ACOD1: variants seen among roughly 807,000 people sequenced by gnomAD.
ACOD1 encodes the protein aconitate decarboxylase 1, also known as cis-aconitate decarboxylase.
A neutral mutation model predicts 14.2 loss-of-function variants in ACOD1; 14 were observed. The ratio of observed to expected loss-of-function variants is 0.99; its 90% CI spans 0.65 to 1.54. ACOD1 has a LOEUF of 1.54. Among genes scored for constraint, ACOD1 ranks in the 40% most tolerant of loss-of-function variants. The pLI, the probability that ACOD1 is intolerant of heterozygous loss-of-function variation, is 0.00. For synonymous variants in ACOD1, 182 were observed against 221.7 expected, an observed-to-expected ratio of 0.82 and a Z score of 1.59; for missense variants, 530 against 586.3, an observed-to-expected ratio of 0.90 and a Z score of 0.99.
Position 76,957,949 on chromosome 13 carries a change from T to A in ACOD1, c.1410T>A (p.Ser470=). The change falls in exon 5 of 5, where the codon TCT becomes TCA. Residue 470 remains serine, a synonymous_variant. Coordinates refer to ENST00000377462, the MANE Select transcript of ACOD1 (RefSeq NM_001258406.2). ...GPSPPEVASN[S]PACNNSITNL... is the part of the protein sequence containing the mutation. ...CTCCACCAGAGGTAGCTTCAAACTC[T>A]CCAGCATGTAATAATTCTATCACAA... 6.5e-7 allele frequency: 1 copy of A among 1,541,906 alleles called. No homozygotes were observed. Among genetic ancestry groups the A allele is most frequent in the Non-Finnish European group, 8.7e-7 (1 of 1,144,464 alleles).
At position 76,952,379 on chromosome 13, in the gene ACOD1, T is replaced by C. The variant is rs924171461; in HGVS notation, c.13-110T>C. On this transcript the variant is annotated intron_variant, in intron 1 of 4. Transcript: ENST00000377462. ...AACTAAATCTGAGCAACTGGGTTTC[T>C]TGTAGTGGAGCAAAACTCTTTATGC... The C allele has an allele frequency of 1.4e-5, 12 of 885,670 alleles. No individual in the cohort carries two copies. The South Asian group carries it at 2.3e-4, about 17-fold the overall frequency. 54.9% of individuals were successfully genotyped at this position (885,670 alleles called of 1,614,324 possible). A position where few individuals can be genotyped will look rare whatever the true frequency, so the allele number is the denominator to read the frequency against.
chr13:76,956,490 G>A (rs1050926183), intron 4 of ACOD1, among the ~76,000 whole-genome samples: 7 of 151,572 alleles, frequency 4.6e-5, no homozygotes, highest in African/African-American at 1.7e-4. Flanking sequence ...GTGAGCCATC[G>A]TGCCCGGCCT....
At position 76,957,688 on chromosome 13, in the gene ACOD1, AC is replaced by A; in HGVS notation, c.1150del (p.Leu384CysfsTer5). 7 of 1,550,592 alleles carry A rather than the reference AC, an allele frequency of 4.5e-6. No homozygotes were observed. Among genetic ancestry groups the A allele is most frequent in the Middle Eastern group, 1.7e-4 (1 of 5,992 alleles). ...CGGACAACTTGCCAAGCTTCAACAT[AC>A]TGTACTGTGAAATAAGTGTCACCCT... Reference protein sequence around the residue: ...PPDNLPSFNILYCEISVTLKD... With the variant: ...PPDNLPSFNIXYCEISVTLKD... On this transcript the variant is annotated frameshift_variant, in exon 5 of 5. Coordinates refer to ENST00000377462, the MANE Select transcript of ACOD1 (RefSeq NM_001258406.2). LOFTEE classifies it low-confidence loss of function (END_TRUNC).
chr13:76,952,567 AAGAGGATGATTCT>A lies in ACOD1; in HGVS notation c.95_107del (p.Arg32ThrfsTer17), dbSNP rs1456394745. The A allele has an allele frequency of 1.7e-5, 27 of 1,550,314 alleles. No individual in the cohort carries two copies. The highest frequency in any genetic ancestry group is 2.3e-5 in the Non-Finnish European group (26 of 1,146,912). On this transcript the variant is annotated frameshift_variant, in exon 2 of 5. Coordinates refer to ENST00000377462, the MANE Select transcript of ACOD1 (RefSeq NM_001258406.2). LOFTEE classifies it high-confidence loss of function. ...GACAGATCGTGTTATTCAGAGGAGC[AAGAGGATGATTCT>A]AGACACTCTGGGTGCTGGGTTCCTG...
Position 76,957,168 on chromosome 13 carries a change from A to C in ACOD1, c.629A>C (p.His210Pro). 6.4e-7 allele frequency: 1 copy of C among 1,550,642 alleles called. No homozygotes were observed. Among genetic ancestry groups the C allele is most frequent in the Middle Eastern group, 1.7e-4 (1 of 5,992 alleles). ...GCTGCCACCCAGACCAAGCCCCTCC[A>C]CATTGGCAATGCTGCCAAGCATGGG... is the stretch of plus-strand genomic sequence containing the variant. ...ANAATQTKPLHIGNAAKHGIE... is the reference protein window; with the variant it reads ...ANAATQTKPLPIGNAAKHGIE... The change falls in exon 5 of 5, where the codon CAC becomes CCC. Residue 210 changes from histidine (H) to proline (P), a missense_variant. By Grantham distance (77) the His-to-Pro change is moderately conservative. Transcript: ENST00000377462.
rs538660196 is a variant in ACOD1 at position 76,957,660 on chromosome 13, C to T, written c.1121C>T (p.Pro374Leu). ...CTCAGTAAGGTGGAGCTGGAGTACC[C>T]TCCGGACAACTTGCCAAGCTTCAAC... ...ELLSKVELEY[P>L]PDNLPSFNIL... The change falls in exon 5 of 5, where the codon CCT becomes CTT. Residue 374 changes from proline to leucine, a missense_variant. Pro to Leu is a moderately conservative substitution (Grantham distance 98, BLOSUM62 -3). Coordinates refer to ENST00000377462, the MANE Select transcript of ACOD1 (RefSeq NM_001258406.2). 4.0e-5 allele frequency: 62 copies of T among 1,550,604 alleles called. No homozygotes were observed. The African/African-American group carries it at 7.8e-4, about 19-fold the overall frequency.
chr13:76,954,299 A>G (rs2033850937), intron 3 of ACOD1, among the ~76,000 whole-genome samples: 1 of 152,252 alleles, frequency 6.6e-6, no homozygotes, highest in South Asian at 2.1e-4. Flanking sequence ...AGTTAAAGCC[A>G]ACGGTGCATT....
At chr13:76,956,344 G>A (rs1288786562) in intron 4 of ACOD1, among the ~76,000 whole-genome samples, 1 of 152,044 alleles carries the variant, frequency 6.6e-6, no homozygotes, top group Non-Finnish European at 1.5e-5. Flanking sequence ...TGGGACTACA[G>A]GCATGCACCA....
intron 1 of ACOD1, among the ~76,000 whole-genome samples, chr13:76,949,278 T>A (rs1020516100): frequency 6.6e-6 from 1 of 150,898 alleles, no homozygotes; most frequent in African/African-American, 2.5e-5. Flanking sequence ...AAAAAAAAAA[T>A]TGTGAAATTG....
At chr13:76,949,244 C>A (rs183224361) in intron 1 of ACOD1, among the ~76,000 whole-genome samples, 1 of 151,370 alleles carries the variant, frequency 6.6e-6, no homozygotes. Context: ...TCCAGCCTAG[C>A]GACAGAGCGA....
chr13:76,952,024 T>C (rs186945344), intron 1 of ACOD1, among the ~76,000 whole-genome samples: 2 of 152,218 alleles, frequency 1.3e-5, no homozygotes, highest in African/African-American at 4.8e-5. Flanking sequence ...TCTCCTCACC[T>C]GCAAAAATAA....
intron 3 of ACOD1, among the ~76,000 whole-genome samples, chr13:76,954,515 T>C (rs909282701): frequency 2.0e-5 from 3 of 152,224 alleles, no homozygotes; most frequent in Admixed American, 6.5e-5. Flanking sequence ...TTGACAGTTA[T>C]TGTGCTATTC....
At chr13:76,949,144 G>A (rs978766451) in intron 1 of ACOD1, among the ~76,000 whole-genome samples, 7 of 152,058 alleles carry the variant, frequency 4.6e-5, no homozygotes, top group African/African-American at 1.4e-4. Flanking sequence ...GCAGGCGCCC[G>A]TAGTCCCAGC....
chr13:76,955,209 A>C (rs1403631550), intron 3 of ACOD1, 110 bp from the exon 4 acceptor site: 4 of 681,428 alleles, frequency 5.9e-6, no homozygotes, highest in Admixed American at 2.9e-5. Context: ...GATCAAAAGA[A>C]TCTCACATAA....
chr13:76,950,943 C>G (rs1313495763), intron 1 of ACOD1, among the ~76,000 whole-genome samples: 1 of 152,126 alleles, frequency 6.6e-6, no homozygotes, highest in Non-Finnish European at 1.5e-5. Context: ...GCCAAACTCC[C>G]TCCACTCTCT....
intron 2 of ACOD1, 36 bp downstream of exon 2, chr13:76,952,686 C>G (rs1386177974): frequency 6.6e-7 from 1 of 1,526,652 alleles, no homozygotes; most frequent in South Asian, 1.2e-5. Context: ...AGATAAAACC[C>G]AGTGCATACA....
chr13:76,955,712 G>A (rs966938771), intron 4 of ACOD1, among the ~76,000 whole-genome samples, 188 bp downstream of exon 4: 3 of 152,196 alleles, frequency 2.0e-5, no homozygotes, highest in Admixed American at 6.5e-5. Flanking sequence ...GACTTCAAGA[G>A]TGCAACCTGG....
intron 4 of ACOD1, among the ~76,000 whole-genome samples, chr13:76,956,692 T>C (rs1342167401): frequency 6.6e-6 from 1 of 152,046 alleles, no homozygotes; most frequent in Non-Finnish European, 1.5e-5. Flanking sequence ...TTTGTATTTT[T>C]AGTAGAGTCA....
chr13:76,948,567 C>T lies in ACOD1; in HGVS notation c.9C>T (p.Leu3=). 6.5e-7 allele frequency: 1 copy of T among 1,546,752 alleles called. No individual in the cohort carries two copies. The highest frequency in any genetic ancestry group is 8.7e-7 in the Non-Finnish European group (1 of 1,144,950). Residue 3 remains leucine, a synonymous_variant, in exon 1 of 5, where the codon CTC becomes CTT. Coordinates refer to ENST00000377462, the MANE Select transcript of ACOD1 (RefSeq NM_001258406.2). ...CTCTTCTTTACAACGAAATGATGCT[C>T]AAGGTATTGTAGCATTTTATGTGAC... is the stretch of plus-strand genomic sequence containing the variant. MM[L]KSITESFATA...
Sources: allele counts gnomAD v4.1 joint callset (sites outside exome capture counted in the v4.1 genomes callset), GRCh38; gene constraint gnomAD v4.1.1; transcripts MANE v1.5; gene names NCBI Gene and HGNC (gene_info 2026-07-23, HGNC 2026-07-21).